PCDHGA9: variants seen among roughly 807,000 people sequenced by gnomAD.
PCDHGA9 encodes the protein protocadherin gamma-A9.
A neutral mutation model predicts 62.5 loss-of-function variants in PCDHGA9; 37 were observed. The ratio of observed to expected loss-of-function variants is 0.59; its 90% confidence interval spans 0.46 to 0.78. PCDHGA9 has a LOEUF of 0.78. Among genes scored for constraint, PCDHGA9 ranks in the 30% least tolerant of loss-of-function variants. The probability of loss-of-function intolerance (pLI) is 0.00; values close to 1 mark genes in which losing one functional copy is unlikely to be tolerated. For synonymous variants in PCDHGA9, 459 were observed against 484.6 expected, an observed-to-expected ratio of 0.95 and a Z score of 0.69; for missense variants, 1,138 against 1,166.2, an observed-to-expected ratio of 0.98 and a Z score of 0.35.
intron 1 of PCDHGA9, among the ~76,000 whole-genome samples, chr5:141,445,609 T>A (rs900534761): frequency 1.3e-5 from 2 of 152,220 alleles, no homozygotes; most frequent in African/African-American, 4.8e-5. Flanking sequence ...CAAGGAAGGC[T>A]TTCTTTTTTT....
intron 1 of PCDHGA9, among the ~76,000 whole-genome samples, chr5:141,480,513 C>T (rs1376669385): frequency 7.9e-6 from 1 of 127,246 alleles, no homozygotes. Context: ...ATGAGAACAA[C>T]CAAAAATGAC....
rs566049956 is a variant in PCDHGA9 at position 141,511,685 on chromosome 5, G to A, written c.*512G>A. 1.0e-5 allele frequency: 2 copies of A among 198,374 alleles called. No individual in the cohort carries two copies. Among genetic ancestry groups the A allele is most frequent in the Non-Finnish European group, 2.1e-5 (2 of 94,428 alleles). The allele number at this position is 198,374 out of a possible 1,614,324, so 12.3% of individuals were successfully genotyped here. On this transcript the variant is annotated 3_prime_UTR_variant, in exon 4 of 4. Coordinates refer to ENST00000573521, the MANE Select transcript of PCDHGA9 (RefSeq NM_018921.3). ...GATTCTCAATCTTCCCCCAAAGCAT[G>A]GTTTGGTGCCAGCCCCTTCACCTCC...
intron 1 of PCDHGA9, among the ~76,000 whole-genome samples, chr5:141,465,911 A>G (rs540115471): frequency 6.6e-6 from 1 of 152,260 alleles, no homozygotes; most frequent in East Asian, 1.9e-4. Context: ...TCACGAGGTC[A>G]GGATTTCGAG....
chr5:141,466,612 C>T (rs141916895), intron 1 of PCDHGA9, among the ~76,000 whole-genome samples: 1 of 152,262 alleles, frequency 6.6e-6, no homozygotes, highest in East Asian at 1.9e-4. Flanking sequence ...TTGTAAACTG[C>T]CGTTTTCTTT....
chr5:141,409,848 G>C (rs149920059), intron 1 of PCDHGA9: 7 of 1,611,904 alleles, frequency 4.3e-6, no homozygotes, highest in Non-Finnish European at 5.9e-6. Context: ...GTGAGCCTGC[G>C]CGTGTTGGTG....
At chr5:141,449,837 T>A (rs917239289) in intron 1 of PCDHGA9, among the ~76,000 whole-genome samples, 3 of 151,742 alleles carry the variant, frequency 2.0e-5, no homozygotes, top group Non-Finnish European at 4.4e-5. Context: ...TTCTTTTATA[T>A]AATTAAATTT....
chr5:141,505,255 C>T (rs2099844853), intron 2 of PCDHGA9, 138 bp from the exon 3 acceptor site: 1 of 1,481,112 alleles, frequency 6.8e-7, no homozygotes, highest in Admixed American at 2.1e-5. Context: ...AGAAGTGCCT[C>T]CTACCTTGCT....
intron 1 of PCDHGA9, among the ~76,000 whole-genome samples, chr5:141,425,036 G>A (rs574813328): frequency 1.3e-5 from 2 of 152,238 alleles, no homozygotes; most frequent in East Asian, 3.9e-4. Context: ...GTCATTAGTT[G>A]TAAACTGACT....
chr5:141,438,627 T>TAC (rs2098030812), intron 1 of PCDHGA9, among the ~76,000 whole-genome samples: 3 of 48,012 alleles, frequency 6.2e-5, no homozygotes, highest in Non-Finnish European at 1.0e-4. Flanking sequence ...TATATATATA[T>TAC]ATATATATAC....
At chr5:141,416,530 G>A (rs976560428) in intron 1 of PCDHGA9, 2 of 152,160 alleles carry the variant, frequency 1.3e-5, no homozygotes, top group Non-Finnish European at 2.9e-5. Flanking sequence ...GCTCTTTAAT[G>A]TATAAGGAGG....
At position 141,491,267 on chromosome 5, in the gene PCDHGA9, A is replaced by C. The variant is rs1376540913; in HGVS notation, c.2425-3540A>C. ...GATGAGGACCCTGAGGAAATGCCCA[A>C]ATCCAGTGACTTCCTCATACACCCT... On this transcript the variant is annotated intron_variant, in intron 1 of 3. Coordinates refer to ENST00000573521, the MANE Select transcript of PCDHGA9 (RefSeq NM_018921.3). This position sits in a 1 kb window ranked among gnomAD's most constrained non-coding sequence, Gnocchi z 6.9. The C allele has an allele frequency of 2.5e-6, 4 of 1,613,944 alleles. No individual in the cohort carries two copies. The highest frequency in any genetic ancestry group is 3.4e-6 in the Non-Finnish European group (4 of 1,179,936).
At chr5:141,418,307 A>C (rs372854408) in intron 1 of PCDHGA9, 24 of 1,613,982 alleles carry the variant, frequency 1.5e-5, no homozygotes, top group Non-Finnish European at 2.0e-5. Context: ...CAGCCTGGGG[A>C]TGGGAACAAT....
At chr5:141,410,004 ACGCCTGGCTGTC>A in intron 1 of PCDHGA9, 1 of 1,613,154 alleles carries the variant, frequency 6.2e-7, no homozygotes, top group Non-Finnish European at 8.5e-7. Flanking sequence ...TCGGGACACA[ACGCCTGGCTGTC>A]CTACCACGTG....
intron 1 of PCDHGA9, among the ~76,000 whole-genome samples, chr5:141,473,661 G>T (rs935648567): frequency 2.6e-5 from 4 of 152,172 alleles, no homozygotes; most frequent in Non-Finnish European, 4.4e-5. Context: ...TTGTGTGAAG[G>T]CCCTGAGACA....
Position 141,432,917 on chromosome 5 carries a change from C to A in PCDHGA9, c.2424+27541C>A. 6.2e-7 allele frequency: 1 copy of A among 1,614,166 alleles called. No homozygotes were observed. Among genetic ancestry groups the A allele is most frequent in the South Asian group, 1.1e-5 (1 of 91,086 alleles). On this transcript the variant is annotated intron_variant, in intron 1 of 3. Transcript: ENST00000573521. This position sits in a 1 kb window ranked among gnomAD's most constrained non-coding sequence, Gnocchi z 6.0. The stretch of plus-strand genomic sequence containing the variant: ...GCTGGCGCTCAGGCTGCGGCGCTGG[C>A]ACAAGTCACGCCTGCTGCAGGCTTC...
At chr5:141,464,156 T>C (rs2099077051) in intron 1 of PCDHGA9, among the ~76,000 whole-genome samples, 2 of 151,752 alleles carry the variant, frequency 1.3e-5, no homozygotes, top group Non-Finnish European at 1.5e-5. Context: ...TCCCAGCTAC[T>C]TGGAAGGCTG....
At position 141,431,260 on chromosome 5, in the gene PCDHGA9, G is replaced by A. The variant is rs762250032; in HGVS notation, c.2424+25884G>A. The A allele has an allele frequency of 6.2e-7, 1 of 1,614,170 alleles. No individual in the cohort carries two copies. The highest frequency in any genetic ancestry group is 2.2e-5 in the East Asian group (1 of 44,892). On this transcript the variant is annotated intron_variant, in intron 1 of 3. Coordinates refer to ENST00000573521, the MANE Select transcript of PCDHGA9 (RefSeq NM_018921.3). The surrounding 1 kb of genome is among the most constrained non-coding windows in gnomAD (Gnocchi z 4.8). The stretch of plus-strand genomic sequence containing the variant: ...ATCCGGATATCGGGAAGAACTCTCT[G>A]CAGAGCTACGAGCTCAGCCCGAACA...
rs780657795 is a variant in PCDHGA9, at chr5:141,403,118, C to A, written c.166C>A (p.Pro56Thr). The A allele has an allele frequency of 1.2e-6, 2 of 1,614,058 alleles. No homozygotes were observed. Residue 56 changes from proline to threonine, a missense_variant, in exon 1 of 4, where the codon CCC becomes ACC. By Grantham distance (38) the Pro-to-Thr change is conservative. Transcript: ENST00000573521. ...GNISKDLALE[P>T]RELAERRVRI... ...CATCTCCAAGGACCTGGCTCTGGAGCCCCGGGAGCTGGCGGAGCGCCGAGT... is the reference window on the plus strand; with the variant it reads ...CATCTCCAAGGACCTGGCTCTGGAGACCCGGGAGCTGGCGGAGCGCCGAGT...
intron 1 of PCDHGA9, chr5:141,422,542 G>T (rs368252552): frequency 1.2e-5 from 19 of 1,613,878 alleles, no homozygotes; most frequent in Admixed American, 1.7e-5. Context: ...AGAAACTCAT[G>T]TCTGGCTGAA....
Sources: gnomAD v4.1 joint callset for allele counts (sites outside exome capture counted in the v4.1 genomes callset) on GRCh38, gnomAD v4.1.1 for gene constraint, Gnocchi (gnomAD v3.1) non-coding constraint, MANE v1.5 for transcripts, NCBI Gene and HGNC (gene_info 2026-07-23, HGNC 2026-07-21) for gene names.